Variants in TENM1 observed in about 807,000 individuals in gnomAD.
TENM1 encodes the protein teneurin-1.
TENM1 carries 35 observed loss-of-function variants against 174.8 expected under a neutral mutation model. The ratio of observed to expected loss-of-function variants is 0.20; its 90% CI spans 0.15 to 0.27. TENM1 has a LOEUF of 0.27. Ranked by LOEUF, TENM1 falls within the 10% of genes least tolerant of loss-of-function variation. TENM1 has a pLI of 1.00. For missense variants in TENM1, 1,633 were observed against 2,130.1 expected (o/e 0.77, Z 4.59); for synonymous variants, 781 against 798.7 (o/e 0.98, Z 0.37).
intron 1 of TENM1, among the ~76,000 whole-genome samples, chrX:124,935,283 C>A (rs2094251947): frequency 9.2e-6 from 1 of 108,823 alleles, no homozygotes; most frequent in African/African-American, 3.4e-5. Flanking sequence ...ATAAAATATT[C>A]TGTGGCCAGA....
intron 15 of TENM1, among the ~76,000 whole-genome samples, chrX:124,538,537 G>T (rs371856238): frequency 9.0e-6 from 1 of 111,654 alleles, no homozygotes; most frequent in East Asian, 2.8e-4. Flanking sequence ...AATTTATTCA[G>T]CAATTGTCGC....
At chrX:124,499,973 T>G (rs981875702) in intron 19 of TENM1, among the ~76,000 whole-genome samples, 2 of 111,506 alleles carry the variant, frequency 1.8e-5, no homozygotes, top group Admixed American at 1.9e-4. Flanking sequence ...AATATAATGG[T>G]ATAGTTAACA....
the TENM1 span, among the ~76,000 whole-genome samples, chrX:125,154,847 G>T: frequency 1.8e-5 from 2 of 109,898 alleles, no homozygotes; most frequent in African/African-American, 6.7e-5. Context: ...CGTTCCTCCC[G>T]GTGCGTTCGT....
rs764526339 is a variant in TENM1, at chrX:124,626,180, C to T, written c.2077+15611G>A. ...GCCAGATTAGGGCGAGCTACTCCAA[C>T]GGAGGTAGAAGCTTCAGCAGACAAC... On this transcript the variant is annotated intron_variant, in intron 11 of 31. Transcript: ENST00000422452. 6.3e-5 allele frequency among the ~76,000 whole-genome samples: 7 copies of T among 110,705 alleles called. No individual in the cohort carries two copies. In the South Asian group the frequency reaches 2.0e-3, roughly 31 times the overall value.
At chrX:124,560,825 A>T (rs2048802737) in intron 14 of TENM1, among the ~76,000 whole-genome samples, 1 of 111,691 alleles carries the variant, frequency 9.0e-6, no homozygotes, top group Admixed American at 9.5e-5. Flanking sequence ...TTCAAACAAA[A>T]TTTTTTGTTA....
At chrX:124,867,436 C>A (rs2147464111) in intron 3 of TENM1, among the ~76,000 whole-genome samples, 1 of 112,042 alleles carries the variant, frequency 8.9e-6, no homozygotes, top group South Asian at 3.7e-4. Context: ...TAAAATTCAA[C>A]ACCACTTCAT....
At chrX:124,402,526 C>T (rs1385642261) in intron 27 of TENM1, among the ~76,000 whole-genome samples, 1 of 112,321 alleles carries the variant, frequency 8.9e-6, no homozygotes, top group Non-Finnish European at 1.9e-5. Context: ...ATTAGCTTCT[C>T]AGCACTAAGA....
chrX:124,535,324 T>G (rs767883666), intron 15 of TENM1, among the ~76,000 whole-genome samples: 3 of 111,344 alleles, frequency 2.7e-5, no homozygotes, highest in Non-Finnish European at 5.7e-5. Flanking sequence ...AGGCAGAAGG[T>G]ATAAACCATA....
chrX:124,996,454 C>G, the TENM1 span, among the ~76,000 whole-genome samples: 8 of 108,393 alleles, frequency 7.4e-5, no homozygotes, highest in African/African-American at 2.7e-4. Flanking sequence ...GGATTAGAAA[C>G]CCAGCAGCTG....
At chrX:124,866,721 G>A (rs1475987672) in intron 3 of TENM1, among the ~76,000 whole-genome samples, 1 of 110,657 alleles carries the variant, frequency 9.0e-6, no homozygotes, top group African/African-American at 3.3e-5. Context: ...AAAGATTAAT[G>A]AAACAAAAGT....
intron 4 of TENM1, among the ~76,000 whole-genome samples, chrX:124,712,320 G>T (rs1175699324): frequency 9.1e-6 from 1 of 110,145 alleles, no homozygotes; most frequent in African/African-American, 3.3e-5. Flanking sequence ...CATGTACAAG[G>T]GTTCCAATTT....
At chrX:125,086,234 TTTA>T in the TENM1 span, among the ~76,000 whole-genome samples, 8 of 111,198 alleles carry the variant, frequency 7.2e-5, no homozygotes, top group Non-Finnish European at 1.3e-4. Flanking sequence ...TTTGATGCAT[TTTA>T]TTATCTTATT....
At chrX:124,902,335 C>G (rs770104252) in intron 1 of TENM1, among the ~76,000 whole-genome samples, 28 of 111,743 alleles carry the variant, frequency 2.5e-4, no homozygotes, top group Admixed American at 3.8e-4. Flanking sequence ...TTGATACAGC[C>G]TATGTACCTA....
the TENM1 span, among the ~76,000 whole-genome samples, chrX:125,198,250 A>G: frequency 2.7e-5 from 3 of 112,211 alleles, no homozygotes; most frequent in African/African-American, 9.7e-5. Flanking sequence ...AAAGTGGGAC[A>G]TAGATATTGT....
intron 11 of TENM1, among the ~76,000 whole-genome samples, chrX:124,618,185 G>T (rs2050438393): frequency 9.0e-6 from 1 of 111,436 alleles, no homozygotes; most frequent in Admixed American, 9.5e-5. Context: ...CTTGGACTGG[G>T]ATGAAGCTTT....
chrX:124,997,075 C>T, the TENM1 span, among the ~76,000 whole-genome samples: 1 of 111,351 alleles, frequency 9.0e-6, no homozygotes. Flanking sequence ...ATTTATTAGG[C>T]TACTACCATG....
At chrX:125,146,950 C>T in the TENM1 span, among the ~76,000 whole-genome samples, 1 of 110,551 alleles carries the variant, frequency 9.0e-6, no homozygotes, top group Non-Finnish European at 1.9e-5. Context: ...TTTTTTTCCA[C>T]GTTTGTATTT....
intron 1 of TENM1, among the ~76,000 whole-genome samples, chrX:124,941,745 T>C (rs184471748): frequency 6.3e-5 from 7 of 111,624 alleles, no homozygotes; most frequent in African/African-American, 1.9e-4. Flanking sequence ...CTTTAATGAC[T>C]TGCCAAAGAT....
At chrX:124,405,107 T>A (rs774479537) in exon 27 of TENM1, 1 of 1,211,927 alleles carries the variant, frequency 8.3e-7, no homozygotes, top group East Asian at 3.0e-5. Context: ...GAGGTTTGCA[T>A]TGTGCTCTCC....
Sources: allele counts gnomAD v4.1 joint callset (sites outside exome capture counted in the v4.1 genomes callset), GRCh38; gene constraint gnomAD v4.1.1; transcripts MANE v1.5; gene names NCBI Gene and HGNC (gene_info 2026-07-23, HGNC 2026-07-21).